NNMT: variants seen among roughly 807,000 people sequenced by gnomAD.
NNMT encodes the protein nicotinamide N-methyltransferase.
NNMT carries 10 observed loss-of-function variants against 11.7 expected under a neutral mutation model. That is an observed-to-expected ratio of 0.85 (90% confidence interval 0.53 to 1.45). The LOEUF (loss-of-function observed/expected upper bound fraction) is 1.45, where lower values mean the gene tolerates loss of function less well. NNMT is among the 40% of genes most tolerant of loss of function. NNMT has a pLI of 0.00. For missense variants in NNMT, 381 were observed against 319.4 expected (o/e 1.19, Z -1.47); for synonymous variants, 143 against 133.8 (o/e 1.07, Z -0.48).
rs144177988 is a variant in NNMT, at chr11:114,265,262, T to C, written c.-130+2328T>C. ...CCAAGAGACAGGGACGAAGACCAAA[T>C]ATATATTTCACAATATCACAGCTGG... On this transcript the variant is annotated intron_variant, in intron 2 of 4. Transcript: ENST00000535401. 1.8e-4 allele frequency among the ~76,000 whole-genome samples: 28 copies of C among 152,326 alleles called. 1 individual carries two copies. Among genetic ancestry groups the C allele is most frequent in the African/African-American group, 6.7e-4 (28 of 41,574 alleles).
At chr11:114,264,919 A>G (rs571466613) in intron 2 of NNMT, among the ~76,000 whole-genome samples, 7 of 152,334 alleles carry the variant, frequency 4.6e-5, no homozygotes, top group Non-Finnish European at 8.8e-5. Context: ...AGGAACTTCC[A>G]GGGATGTGGC....
upstream of NNMT, among the ~76,000 whole-genome samples, chr11:114,294,375 G>A (rs895469974): frequency 1.3e-5 from 2 of 151,728 alleles, no homozygotes; most frequent in African/African-American, 4.8e-5. Context: ...CTGCTTGGGA[G>A]GCTGAGGCAG....
In NNMT at chr11:114,312,665, G is replaced by A; in HGVS notation, c.*188G>A. ...CACTTACTTGGTGCTGCACACAAATGTTGGTGCTATGGGACCCAAAGATGA... is the reference window on the plus strand; with the variant it reads ...CACTTACTTGGTGCTGCACACAAATATTGGTGCTATGGGACCCAAAGATGA... On this transcript the variant is annotated 3_prime_UTR_variant, in exon 3 of 3. Transcript: ENST00000299964. 1 of 577,642 alleles carries A rather than the reference G, an allele frequency of 1.7e-6. No homozygotes were observed. Among genetic ancestry groups the A allele is most frequent in the Admixed American group, 3.0e-5 (1 of 33,034 alleles). The allele number at this position is 577,642 out of a possible 1,614,324, so 35.8% of individuals were successfully genotyped here.
intron 2 of NNMT, among the ~76,000 whole-genome samples, chr11:114,308,968 C>T (rs1945519861): frequency 6.6e-6 from 1 of 152,140 alleles, no homozygotes; most frequent in Admixed American, 6.5e-5. Context: ...CATCATCTGA[C>T]TGGTAAGTTC....
chr11:114,288,755 G>A (rs1438175770), intron 2 of NNMT, among the ~76,000 whole-genome samples: 2 of 152,086 alleles, frequency 1.3e-5, no homozygotes, highest in African/African-American at 4.8e-5. Context: ...GTAAATTTTA[G>A]TAATATGTCC....
intron 2 of NNMT, among the ~76,000 whole-genome samples, chr11:114,287,801 T>C (rs1360644452): frequency 1.3e-5 from 2 of 152,244 alleles, no homozygotes; most frequent in East Asian, 3.8e-4. Flanking sequence ...ATTGGGATTT[T>C]ACTGAGTCTA....
At chr11:114,310,095 A>G (rs1183466664) in intron 2 of NNMT, among the ~76,000 whole-genome samples, 1 of 152,162 alleles carries the variant, frequency 6.6e-6, no homozygotes, top group Non-Finnish European at 1.5e-5. Flanking sequence ...TTGTATGGAT[A>G]TATGTTTTCA....
chr11:114,298,238 C>A, intron 2 of NNMT, 80 bp downstream of exon 2: 3 of 1,219,390 alleles, frequency 2.5e-6, no homozygotes, highest in Non-Finnish European at 2.4e-6. Flanking sequence ...AGATAGGGAC[C>A]AAAGAGAAAT....
At chr11:114,278,055 T>C (rs1168738881) in intron 2 of NNMT, among the ~76,000 whole-genome samples, 2 of 152,190 alleles carry the variant, frequency 1.3e-5, no homozygotes, top group East Asian at 3.8e-4. Flanking sequence ...TGCAATGCCG[T>C]AAAGGAATAC....
chr11:114,289,349 C>A (rs1945319546), intron 2 of NNMT, among the ~76,000 whole-genome samples: 1 of 152,134 alleles, frequency 6.6e-6, no homozygotes, highest in African/African-American at 2.4e-5. Flanking sequence ...ACTTTTGGAC[C>A]TGTTGATTCT....
chr11:114,283,571 A>G (rs558087291), intron 2 of NNMT, among the ~76,000 whole-genome samples: 2 of 152,340 alleles, frequency 1.3e-5, no homozygotes, highest in African/African-American at 2.4e-5. Flanking sequence ...ACAGATTCTC[A>G]GTTCATTCCG....
Position 114,297,995 on chromosome 11 carries a change from A to T in NNMT, c.199A>T (p.Thr67Ser). Residue 67 changes from threonine to serine, a missense_variant, in exon 2 of 3, where the codon ACT (threonine) becomes TCT (serine). By Grantham distance (58) the Thr-to-Ser change is moderately conservative. Coordinates refer to ENST00000299964, the MANE Select transcript of NNMT (RefSeq NM_006169.3). ...DLLIDIGSGP[T>S]IYQLLSACES... ...GCTGATTGACATCGGCTCTGGCCCC[A>T]CTATCTATCAGCTCCTCTCTGCTTG... 1 of 1,613,622 alleles carries T rather than the reference A, an allele frequency of 6.2e-7. No individual in the cohort carries two copies. Among genetic ancestry groups the T allele is most frequent in the Non-Finnish European group, 8.5e-7 (1 of 1,180,014 alleles).
At chr11:114,278,049 A>G (rs1945227845) in intron 2 of NNMT, among the ~76,000 whole-genome samples, 2 of 152,220 alleles carry the variant, frequency 1.3e-5, no homozygotes, top group South Asian at 4.1e-4. Context: ...CCATTTTGCA[A>G]TGCCGTAAAG....
rs1363055721 is a variant in NNMT at position 114,300,336 on chromosome 11, T to A, written c.362+2178T>A. Among the ~76,000 whole-genome samples the A allele has an allele frequency of 2.0e-5, 3 of 152,284 alleles. No individual in the cohort carries two copies. In the East Asian group the frequency reaches 5.8e-4, roughly 29 times the overall value. ...TGACCATGAATTATTTAGAATTATG[T>A]TGCTTAATTTCCAAAGTATTGGGAT... is the stretch of plus-strand genomic sequence containing the variant. On this transcript the variant is annotated intron_variant, in intron 2 of 2. Transcript: ENST00000299964.
chr11:114,296,320 C>G (rs185634632), upstream of NNMT: 1 of 478,326 alleles, frequency 2.1e-6, no homozygotes, highest in Non-Finnish European at 3.8e-6. Flanking sequence ...CCCTCCACCC[C>G]CGTTCGCCTA....
intron 2 of NNMT, among the ~76,000 whole-genome samples, chr11:114,303,028 G>A (rs544862381): frequency 6.6e-6 from 1 of 152,228 alleles, no homozygotes; most frequent in Non-Finnish European, 1.5e-5. Context: ...TGTTGTTTAT[G>A]AGCCACCCAG....
intron 2 of NNMT, among the ~76,000 whole-genome samples, chr11:114,268,497 G>A (rs953391048): frequency 5.9e-5 from 9 of 152,114 alleles, no homozygotes; most frequent in Admixed American, 5.2e-4. Context: ...CAGACCAGGC[G>A]CGGTGGCTCA....
intron 2 of NNMT, among the ~76,000 whole-genome samples, chr11:114,290,900 C>A (rs1177348093): frequency 2.0e-5 from 3 of 152,236 alleles, no homozygotes; most frequent in Non-Finnish European, 2.9e-5. Flanking sequence ...TTCTAGCAAG[C>A]TTCCTAGTCC....
chr11:114,298,223 C>A, intron 2 of NNMT, 65 bp downstream of exon 2: 1 of 1,404,912 alleles, frequency 7.1e-7, no homozygotes, highest in South Asian at 1.2e-5. Flanking sequence ...GCAAAAGCAA[C>A]AGACAGATAG....
Sources: gnomAD v4.1 joint callset for allele counts (sites outside exome capture counted in the v4.1 genomes callset) on GRCh38, gnomAD v4.1.1 for gene constraint, MANE v1.5 for transcripts, NCBI Gene and HGNC (gene_info 2026-07-23, HGNC 2026-07-21) for gene names.